Variants in AMOTL2 observed in about 807,000 individuals in gnomAD.
AMOTL2 encodes the protein angiomotin-like protein 2.
Under a neutral mutation model 78.4 loss-of-function variants are expected in AMOTL2, and 33 were observed. The ratio of observed to expected loss-of-function variants is 0.42; its 90% CI spans 0.32 to 0.56. AMOTL2 has a LOEUF of 0.56. Ranked by LOEUF, AMOTL2 falls within the 20% of genes least tolerant of loss-of-function variation. The probability of loss-of-function intolerance (pLI) is 0.12; values close to 1 mark genes in which losing one functional copy is unlikely to be tolerated. For missense variants in AMOTL2, 983 were observed against 1,030.1 expected (o/e 0.95, Z 0.63); for synonymous variants, 422 against 428.8 (o/e 0.98, Z 0.20).
chr3:134,360,235 T>A lies in AMOTL2; in HGVS notation c.1754A>T (p.Asp585Val). 1 of 1,614,204 alleles carries A rather than the reference T, an allele frequency of 6.2e-7. No individual in the cohort carries two copies. Among genetic ancestry groups the A allele is most frequent in the Non-Finnish European group, 8.5e-7 (1 of 1,180,022 alleles). ...CTGAGCAGCAGCCGTGGCAGCCGCA[T>A]CCATGGCAAACTGCCTCATGGCACG... ...EERAMRQFAM[D>V]AAATAAAQRD... Residue 585 changes from aspartate to valine, a missense_variant, in exon 7 of 10, where the codon GAT becomes GTT. Transcript: ENST00000249883.
chr3:134,375,054 C>A, upstream of AMOTL2: 2 of 1,461,620 alleles, frequency 1.4e-6, no homozygotes, highest in Non-Finnish European at 1.8e-6. Context: ...TCCCCTAACC[C>A]CCGCTGTTTT....
chr3:134,366,297 T>G lies in AMOTL2; in HGVS notation c.1172A>C (p.Asn391Thr). ...CTGGCTCTCACCTCTAAGATCCCGG[T>G]TGAAGTCTTGCAGCCTCCTCATTTC... is the stretch of plus-strand genomic sequence containing the variant. ...DSEMRRLQDF[N>T]RDLRERLESA... The change falls in exon 4 of 10, where the codon AAC becomes ACC. Residue 391 changes from asparagine (N) to threonine (T), a missense_variant. Asn to Thr is a moderately conservative substitution (Grantham distance 65, BLOSUM62 0). Transcript: ENST00000249883. 1 of 1,614,176 alleles carries G rather than the reference T, an allele frequency of 6.2e-7. No individual in the cohort carries two copies. Among genetic ancestry groups the G allele is most frequent in the Non-Finnish European group, 8.5e-7 (1 of 1,180,022 alleles).
intron 6 of AMOTL2, 103 bp downstream of exon 6, chr3:134,361,409 C>T (rs2017355410): frequency 3.0e-6 from 4 of 1,350,568 alleles, no homozygotes; most frequent in Non-Finnish European, 2.0e-6. Flanking sequence ...TAAGCAGGGG[C>T]TCCCGGGGCC....
At chr3:134,366,132 A>C (rs909440960) in intron 4 of AMOTL2, 151 bp downstream of exon 4, 1 of 1,131,600 alleles carries the variant, frequency 8.8e-7, no homozygotes, top group Admixed American at 2.2e-5. Flanking sequence ...GCATCTCTCT[A>C]TCAGGGCAGC....
intron 4 of AMOTL2, 108 bp downstream of exon 4, chr3:134,366,175 C>A (rs539399689): frequency 9.8e-5 from 142 of 1,451,558 alleles, no homozygotes; most frequent in Non-Finnish European, 1.3e-4. Context: ...TCTCTGAGTT[C>A]ATCTGCACTT....
At chr3:134,363,994 T>C (rs578241020) in intron 5 of AMOTL2, among the ~76,000 whole-genome samples, 1 of 152,176 alleles carries the variant, frequency 6.6e-6, no homozygotes, top group African/African-American at 2.4e-5. Context: ...GAGAGCTCCT[T>C]AGTAAGAAAT....
At chr3:134,360,746 T>C (rs2017319074) in intron 6 of AMOTL2, among the ~76,000 whole-genome samples, 1 of 151,984 alleles carries the variant, frequency 6.6e-6, no homozygotes, top group Admixed American at 6.6e-5. Context: ...GTGGCAAGGG[T>C]AGGTTTGGGA....
At chr3:134,364,328 G>A (rs1415086208) in intron 5 of AMOTL2, among the ~76,000 whole-genome samples, 1 of 151,912 alleles carries the variant, frequency 6.6e-6, no homozygotes, top group African/African-American at 2.4e-5. Context: ...GCGCTCACTC[G>A]CTCCCCGGGG....
Position 134,355,804 on chromosome 3 carries a change from C to T in AMOTL2, c.*1901G>A, listed in dbSNP as rs1034212841. 2 of 152,678 alleles carry T rather than the reference C, an allele frequency of 1.3e-5. No homozygotes were observed. Among genetic ancestry groups the T allele is most frequent in the African/African-American group, 2.4e-5 (1 of 41,458 alleles). 9.5% of individuals were successfully genotyped at this position (152,678 alleles called of 1,614,324 possible). On this transcript the variant is annotated 3_prime_UTR_variant, in exon 10 of 10. Transcript: ENST00000249883. ...GGTCCTTGAAGAGATTGGACTATGA[C>T]TTGGGTGGCCCCCCAAAATCCTCAC...
intron 8 of AMOTL2, 33 bp from the exon 9 acceptor site, chr3:134,358,752 C>G (rs758766921): frequency 3.7e-6 from 6 of 1,612,282 alleles, no homozygotes; most frequent in Non-Finnish European, 5.1e-6. Context: ...ATTGCCATGC[C>G]TGTAAGATGT....
rs375874355 is a variant in AMOTL2, at chr3:134,358,571, C to T, written c.2253G>A (p.Gly751=). 4.5e-5 allele frequency: 72 copies of T among 1,613,954 alleles called. No homozygotes were observed. The highest frequency in any genetic ancestry group is 5.6e-5 in the Non-Finnish European group (66 of 1,180,026). ...CLPPEPDSLL[G]CSSSQRAASL... ...AGGCTGCTCTCTGGCTACTGCTGCA[C>T]CCCAGAAGGCTGTCAGGCTCCGGTG... Residue 751 remains glycine (G), a synonymous_variant, in exon 9 of 10, where the codon GGG becomes GGA. Coordinates refer to ENST00000249883, the MANE Select transcript of AMOTL2 (RefSeq NM_016201.4).
chr3:134,371,146 T>C lies in AMOTL2; in HGVS notation c.288A>G (p.Pro96=). Residue 96 remains proline (P), a synonymous_variant, in exon 2 of 10, where the codon CCA becomes CCG. Coordinates refer to ENST00000249883, the MANE Select transcript of AMOTL2 (RefSeq NM_016201.4). ...GCAGCTCCTCTCCCTTGCTGGGCTG[T>C]GGGCATAGCCGGTAGAGGGTGTTCT... The part of the protein sequence containing the change: ...LAENTLYRLC[P]QPSKGEELPT... The C allele has an allele frequency of 6.2e-7, 1 of 1,613,898 alleles. No individual in the cohort carries two copies. Among genetic ancestry groups the C allele is most frequent in the Non-Finnish European group, 8.5e-7 (1 of 1,179,948 alleles).
chr3:134,373,278 T>C (rs2017945751), intron 1 of AMOTL2, among the ~76,000 whole-genome samples: 1 of 152,104 alleles, frequency 6.6e-6, no homozygotes, highest in Middle Eastern at 3.4e-3. Context: ...GCATTTCCTA[T>C]GATAATCACT....
intron 9 of AMOTL2, 65 bp from the exon 10 acceptor site, chr3:134,357,828 G>T: frequency 6.6e-7 from 1 of 1,513,184 alleles, no homozygotes; most frequent in Non-Finnish European, 9.2e-7. Flanking sequence ...TAAAATCCTG[G>T]CACATTTGAA....
At chr3:134,374,889 A>AG, upstream of AMOTL2, 1 of 1,253,686 alleles carries the variant, frequency 8.0e-7, no homozygotes. Context: ...TTGCTGCGGG[A>AG]GGGGACTCCG....
rs761674913 is a variant in AMOTL2 at position 134,367,768 on chromosome 3, TGGA to T, written c.767_769del (p.Leu256del). 9 of 1,613,512 alleles carry T rather than the reference TGGA, an allele frequency of 5.6e-6. No homozygotes were observed. The African/African-American group carries it at 1.2e-4, about 22-fold the overall frequency. ...CAGGTACTGGTACTGCTGCTGCTGT[TGGA>T]GGAACACAGGAGGCACCTGGGCCTG... On this transcript the variant is annotated inframe_deletion, in exon 3 of 10. Transcript: ENST00000249883.
In AMOTL2 at chr3:134,370,690, GGA is replaced by G. The variant is rs758264171; in HGVS notation, c.734+8_734+9del. On this transcript the variant is annotated splice_region_variant and intron_variant, in intron 2 of 9. Transcript: ENST00000249883. ...CCAGGAGTTGGAAAGCCCAAGGTGG[GGA>G]GAGTTACCTGACTTCAGCATGCTGG... is the stretch of plus-strand genomic sequence containing the variant. The G allele has an allele frequency of 4.3e-5, 65 of 1,508,446 alleles. No individual in the cohort carries two copies. The African/African-American group carries it at 4.6e-4, about 11-fold the overall frequency. The allele number at this position is 1,508,446 out of a possible 1,614,324, so 93.4% of individuals were successfully genotyped here. A position where few individuals can be genotyped will look rare whatever the true frequency, so the allele number is the denominator to read the frequency against.
intron 2 of AMOTL2, among the ~76,000 whole-genome samples, chr3:134,369,020 A>C (rs2017733911): frequency 6.6e-6 from 1 of 152,116 alleles, no homozygotes; most frequent in South Asian, 2.1e-4. Context: ...GCACTAATGC[A>C]CACCCAGCCT....
chr3:134,360,516 C>G (rs1299890100), intron 6 of AMOTL2, 103 bp from the exon 7 acceptor site: 8 of 943,776 alleles, frequency 8.5e-6, no homozygotes, highest in Non-Finnish European at 1.3e-5. Flanking sequence ...TGTACGTGTT[C>G]AGCCATACAC....
Sources: gnomAD v4.1 joint callset for allele counts (sites outside exome capture counted in the v4.1 genomes callset) on GRCh38, gnomAD v4.1.1 for gene constraint, MANE v1.5 for transcripts, NCBI Gene and HGNC (gene_info 2026-07-23, HGNC 2026-07-21) for gene names.